NDUFAF1: variants seen among roughly 807,000 people sequenced by gnomAD.
The protein encoded by NDUFAF1 is NADH:ubiquinone oxidoreductase complex assembly factor 1.
In NDUFAF1, 18 loss-of-function variants were observed where a neutral mutation model predicts 28.7. The observed-to-expected ratio is 0.63, with a 90% CI of 0.43 to 0.93. NDUFAF1 has a LOEUF of 0.93. Among genes scored for constraint, NDUFAF1 ranks in the 40% least tolerant of loss-of-function variants. The pLI is 0.00. For missense variants in NDUFAF1, 404 were observed against 398.3 expected, an observed-to-expected ratio of 1.01 and a Z score of -0.12; for synonymous variants, 113 against 139.7, an observed-to-expected ratio of 0.81 and a Z score of 1.35.
At chr15:41,387,953 T>C (rs1346588412) in intron 4 of NDUFAF1, among the ~76,000 whole-genome samples, 2 of 152,012 alleles carry the variant, frequency 1.3e-5, no homozygotes, top group East Asian at 1.9e-4. Context: ...CTACTAAGAA[T>C]ACAAAGATTA....
rs752477209 is a variant in NDUFAF1 at position 41,396,665 on chromosome 15, T to G, written c.395A>C (p.Asp132Ala). 6.2e-7 allele frequency: 1 copy of G among 1,614,114 alleles called. No homozygotes were observed. The highest frequency in any genetic ancestry group is 1.1e-5 in the South Asian group (1 of 91,088). The change falls in exon 2 of 5, where the codon GAT (aspartate) becomes GCT (alanine). Residue 132 changes from aspartate to alanine, a missense_variant. By Grantham distance (126) the Asp-to-Ala change is moderately radical. Coordinates refer to ENST00000260361, the MANE Select transcript of NDUFAF1 (RefSeq NM_016013.4). ...AGAAGTCACTGTCCACTTATCCAAA[T>G]CTTCTTTCCCCCGGAATTGCCAGAC... ...KVVWQFRGKE[D>A]LDKWTVTSDK...
intron 3 of NDUFAF1, among the ~76,000 whole-genome samples, chr15:41,389,455 T>C (rs1283271705): frequency 1.3e-5 from 2 of 152,100 alleles, no homozygotes; most frequent in Non-Finnish European, 2.9e-5. Flanking sequence ...ATGCTAATTT[T>C]ATTTATATTT....
chr15:41,398,534 G>A (rs1055252779), intron 1 of NDUFAF1, among the ~76,000 whole-genome samples: 17 of 150,708 alleles, frequency 1.1e-4, no homozygotes, highest in African/African-American at 3.9e-4. Flanking sequence ...AGGCTGCAGC[G>A]CCGTGGCAAG....
rs552152078 is a variant in NDUFAF1 at position 41,392,915 on chromosome 15, G to A, written c.759+1944C>T. ...TTAGTGGGGCAAGAAGACAAACAGG[G>A]AAATCAATAATGAAGCTGCTGCAAT... On this transcript the variant is annotated intron_variant, in intron 3 of 4. Coordinates refer to ENST00000260361, the MANE Select transcript of NDUFAF1 (RefSeq NM_016013.4). Among the ~76,000 whole-genome samples, 3 of 152,168 alleles carry A rather than the reference G, an allele frequency of 2.0e-5. No individual in the cohort carries two copies. The South Asian group carries it at 6.2e-4, about 32-fold the overall frequency.
At chr15:41,396,269 G>A (rs1012037762) in intron 2 of NDUFAF1, among the ~76,000 whole-genome samples, 1 of 152,066 alleles carries the variant, frequency 6.6e-6, no homozygotes, top group Non-Finnish European at 1.5e-5. Context: ...GCAATGCGCA[G>A]AAACAAGTTA....
intron 1 of NDUFAF1, among the ~76,000 whole-genome samples, chr15:41,401,521 A>C (rs1244428796): frequency 7.2e-6 from 1 of 139,718 alleles, no homozygotes. Context: ...TGTAACCTCC[A>C]CCTCCTGGTT....
intron 1 of NDUFAF1, among the ~76,000 whole-genome samples, chr15:41,397,341 C>A (rs903059514): frequency 1.3e-5 from 2 of 152,120 alleles, no homozygotes; most frequent in African/African-American, 2.4e-5. Context: ...CCTCTACTTT[C>A]TGGGCTCAAA....
rs200211064 is a variant in NDUFAF1 at position 41,396,751 on chromosome 15, A to C, written c.309T>G (p.Asp103Glu). Residue 103 changes from aspartate to glutamate, a missense_variant, in exon 2 of 5, where the codon GAT becomes GAG. By Grantham distance (45) the Asp-to-Glu change is conservative (BLOSUM62 2). Coordinates refer to ENST00000260361, the MANE Select transcript of NDUFAF1 (RefSeq NM_016013.4). ...GGTGGCCTTCCGGTCCTCTCCAATG[A>C]TCCACAATTTCATCCTTCAAAAGCC... is the stretch of plus-strand genomic sequence containing the variant. ...HFRLLKDEIV[D>E]HWRGPEGHPL... 9.9e-6 allele frequency: 16 copies of C among 1,614,138 alleles called. No individual in the cohort carries two copies. The highest frequency in any genetic ancestry group is 1.4e-5 in the Non-Finnish European group (16 of 1,180,030).
intron 3 of NDUFAF1, among the ~76,000 whole-genome samples, chr15:41,388,993 T>G (rs2050286396): frequency 6.6e-6 from 1 of 152,174 alleles, no homozygotes; most frequent in South Asian, 2.1e-4. Context: ...CAAGTGTGCC[T>G]TTTTATTCAT....
intron 4 of NDUFAF1, among the ~76,000 whole-genome samples, chr15:41,388,090 A>G (rs2050273466): frequency 6.6e-6 from 1 of 152,208 alleles, no homozygotes; most frequent in Non-Finnish European, 1.5e-5. Flanking sequence ...AGCCTGAGTG[A>G]CAAAGCAAGA....
At chr15:41,400,691 T>TTTC (rs1231674396) in intron 1 of NDUFAF1, among the ~76,000 whole-genome samples, 2 of 133,488 alleles carry the variant, frequency 1.5e-5, no homozygotes, top group African/African-American at 5.8e-5. Context: ...CCCAGCTATT[T>TTTC]TTTTTTTTTT....
chr15:41,396,402 A>G, intron 2 of NDUFAF1, 85 bp downstream of exon 2: 1 of 1,372,316 alleles, frequency 7.3e-7, no homozygotes, highest in Non-Finnish European at 1.0e-6. Flanking sequence ...TCATTTACAG[A>G]AACAAAAGCT....
intron 3 of NDUFAF1, among the ~76,000 whole-genome samples, chr15:41,392,250 T>C (rs2050325807): frequency 6.6e-6 from 1 of 151,886 alleles, no homozygotes; most frequent in South Asian, 2.1e-4. Flanking sequence ...TTTTTTGTAT[T>C]TTTAGTAGAC....
intron 4 of NDUFAF1, among the ~76,000 whole-genome samples, chr15:41,388,042 A>G (rs1019148979): frequency 7.2e-5 from 11 of 152,238 alleles, no homozygotes; most frequent in South Asian, 2.1e-4. Flanking sequence ...CCCGGGAGGT[A>G]GAGGTTGCAG....
At position 41,396,801 on chromosome 15, in the gene NDUFAF1, T is replaced by C. The variant is rs149991858; in HGVS notation, c.259A>G (p.Arg87Gly). The change falls in exon 2 of 5, where the codon AGA (arginine) becomes GGA (glycine). Residue 87 changes from arginine to glycine, a missense_variant. Transcript: ENST00000260361. ...CTAAAATGGTATATTGCTTCATCTC[T>C]AATTGCTTTATCGAAACTAACATCA... ...KPDVSFDKAI[R>G]DEAIYHFRLL... 3.2e-5 allele frequency: 51 copies of C among 1,614,080 alleles called. No individual in the cohort carries two copies. The African/African-American group carries it at 6.4e-4, about 20-fold the overall frequency.
In NDUFAF1 at chr15:41,402,361, G is replaced by C. The variant is rs961648749; in HGVS notation, c.-299C>G. On this transcript the variant is annotated 5_prime_UTR_variant, in exon 1 of 5. Coordinates refer to ENST00000260361, the MANE Select transcript of NDUFAF1 (RefSeq NM_016013.4). ...GGAGGCTAGACGGTTCGCCGCGCTG[G>C]GGAGGCCCCCTCAACCCTCAAGTGC... 7 of 453,486 alleles carry C rather than the reference G, an allele frequency of 1.5e-5. No individual in the cohort carries two copies. Among genetic ancestry groups the C allele is most frequent in the Admixed American group, 1.2e-4 (5 of 42,534 alleles). 28.1% of individuals were successfully genotyped at this position (453,486 alleles called of 1,614,324 possible). A position where few individuals can be genotyped will look rare whatever the true frequency, so the allele number is the denominator to read the frequency against.
At chr15:41,388,586 T>C in intron 3 of NDUFAF1, 64 bp from the exon 4 acceptor site, 1 of 1,036,070 alleles carries the variant, frequency 9.7e-7, no homozygotes, top group Non-Finnish European at 1.5e-6. Flanking sequence ...TGCATGTAAT[T>C]GTAACGATAA....
chr15:41,397,126 A>G lies in NDUFAF1; in HGVS notation c.-67T>C. 1 of 1,327,040 alleles carries G rather than the reference A, an allele frequency of 7.5e-7. No individual in the cohort carries two copies. The highest frequency in any genetic ancestry group is 1.4e-5 in the African/African-American group (1 of 69,158). 82.2% of individuals were successfully genotyped at this position (1,327,040 alleles called of 1,614,324 possible). ...AAGGGCCACCAAGAAGCTTCAGCAAATAGCCCAATTCTACCTATAACAGAA... is the reference window on the plus strand; with the variant it reads ...AAGGGCCACCAAGAAGCTTCAGCAAGTAGCCCAATTCTACCTATAACAGAA... On this transcript the variant is annotated 5_prime_UTR_variant, in exon 2 of 5. Coordinates refer to ENST00000260361, the MANE Select transcript of NDUFAF1 (RefSeq NM_016013.4).
At position 41,395,530 on chromosome 15, in the gene NDUFAF1, C is replaced by T. The variant is rs868729838; in HGVS notation, c.574-486G>A. ...TACTATAGGCGCCCAAAACCACACCCGGCTAATTTTTTTGTATTTTTAGTA... is the reference window on the plus strand; with the variant it reads ...TACTATAGGCGCCCAAAACCACACCTGGCTAATTTTTTTGTATTTTTAGTA... On this transcript the variant is annotated intron_variant, in intron 2 of 4. Coordinates refer to ENST00000260361, the MANE Select transcript of NDUFAF1 (RefSeq NM_016013.4). 1.1e-4 allele frequency among the ~76,000 whole-genome samples: 17 copies of T among 151,382 alleles called. 1 individual carries two copies. The South Asian group carries it at 2.9e-3, about 26-fold the overall frequency.
Sources: gnomAD v4.1 joint callset for allele counts (sites outside exome capture counted in the v4.1 genomes callset) on GRCh38, gnomAD v4.1.1 for gene constraint, MANE v1.5 for transcripts, NCBI Gene and HGNC (gene_info 2026-07-23, HGNC 2026-07-21) for gene names.